The following GALNT10 variants were observed in gnomAD, a reference collection of about 807,000 sequenced individuals.
GALNT10 encodes polypeptide N-acetylgalactosaminyltransferase 10, also known as GalNAc transferase 10.
Under a neutral mutation model 75.0 loss-of-function variants are expected in GALNT10, and 41 were observed. The observed-to-expected ratio is 0.55, with a 90% CI of 0.43 to 0.71. GALNT10 has a LOEUF of 0.71. Ranked by LOEUF, GALNT10 falls within the 30% of genes least tolerant of loss-of-function variation. The probability of loss-of-function intolerance (pLI) is 0.00; values close to 1 mark genes in which losing one functional copy is unlikely to be tolerated. For synonymous variants in GALNT10, 302 were observed against 313.0 expected, an observed-to-expected ratio of 0.96 and a Z score of 0.37; for missense variants, 727 against 818.5, an observed-to-expected ratio of 0.89 and a Z score of 1.36.
intron 4 of GALNT10, among the ~76,000 whole-genome samples, chr5:154,344,205 CTTTCTT>C (rs1561666804): frequency 3.0e-5 from 3 of 99,428 alleles, no homozygotes; most frequent in Non-Finnish European, 4.8e-5. Context: ...TTCTTTCTTT[CTTTCTT>C]TTTTTTTTTT....
chr5:154,292,983 T>TA (rs200509566), intron 1 of GALNT10, among the ~76,000 whole-genome samples: 2,292 of 152,252 alleles, frequency 0.015, 48 homozygotes, highest in African/African-American at 0.053. Flanking sequence ...TAGTTTTTTT[T>TA]TCCCCTCTCT....
At chr5:154,242,593 T>C (rs1753354913) in intron 1 of GALNT10, among the ~76,000 whole-genome samples, 1 of 152,160 alleles carries the variant, frequency 6.6e-6, no homozygotes, top group African/African-American at 2.4e-5. Flanking sequence ...AGGCAAAAGC[T>C]CCTAAATCCC....
At chr5:154,340,221 G>T (rs931253096) in intron 4 of GALNT10, among the ~76,000 whole-genome samples, 1 of 152,162 alleles carries the variant, frequency 6.6e-6, no homozygotes, top group African/African-American at 2.4e-5. Context: ...GTGCTCATTT[G>T]CCTGTATCAC....
intron 1 of GALNT10, among the ~76,000 whole-genome samples, chr5:154,206,855 A>G (rs763551757): frequency 3.3e-5 from 5 of 152,214 alleles, no homozygotes; most frequent in African/African-American, 4.8e-5. Context: ...GGATGACTTG[A>G]TCAGGGCTAG....
rs114318549 is a variant in GALNT10 at position 154,314,043 on chromosome 5, T to C, written c.402-15529T>C. ...TAGAGAGGAGAAAATCCTAGAATTT[T>C]GAACTTACACCATTTGCTGGAAAAT... is the stretch of plus-strand genomic sequence containing the variant. On this transcript the variant is annotated intron_variant, in intron 3 of 11. Transcript: ENST00000297107. Among the ~76,000 whole-genome samples the C allele has an allele frequency of 9.2e-3, 1,398 of 152,300 alleles. 16 individuals are homozygous for C. Among genetic ancestry groups the C allele is most frequent in the African/African-American group, 0.032 (1,321 of 41,560 alleles).
chr5:154,410,810 A>G (rs1003033998), intron 9 of GALNT10, among the ~76,000 whole-genome samples: 7 of 152,252 alleles, frequency 4.6e-5, no homozygotes, highest in African/African-American at 1.2e-4. Flanking sequence ...AGAGAGGAAC[A>G]GCGTGCTTCT....
In GALNT10 at chr5:154,277,031, A is replaced by G. The variant is rs558443745; in HGVS notation, c.160-17785A>G. On this transcript the variant is annotated intron_variant, in intron 1 of 11. Coordinates refer to ENST00000297107, the MANE Select transcript of GALNT10 (RefSeq NM_198321.4). Reference sequence around the variant, plus strand: ...CTTACCATAAACAATGCTGTATAACAAATTACTCCAAAGCTCAGTGACCTC... The same window carrying G: ...CTTACCATAAACAATGCTGTATAACGAATTACTCCAAAGCTCAGTGACCTC... Among the ~76,000 whole-genome samples the G allele has an allele frequency of 3.3e-5, 5 of 152,300 alleles. No individual in the cohort carries two copies. In the South Asian group the frequency reaches 1.0e-3, roughly 32 times the overall value.
intron 4 of GALNT10, among the ~76,000 whole-genome samples, chr5:154,340,332 T>C (rs569133898): frequency 2.4e-4 from 37 of 152,354 alleles, no homozygotes; most frequent in African/African-American, 8.7e-4. Flanking sequence ...TTAAATACAT[T>C]ATGTTTCACT....
At chr5:154,369,773 T>C (rs531949766) in intron 4 of GALNT10, among the ~76,000 whole-genome samples, 2 of 152,306 alleles carry the variant, frequency 1.3e-5, no homozygotes, top group East Asian at 3.9e-4. Context: ...CTCTGCAAGG[T>C]TAGCAGCACC....
At chr5:154,228,255 T>C (rs1753092999) in intron 1 of GALNT10, among the ~76,000 whole-genome samples, 1 of 152,188 alleles carries the variant, frequency 6.6e-6, no homozygotes, top group Non-Finnish European at 1.5e-5. Flanking sequence ...CCTACCACAG[T>C]GGTATAAAGT....
rs148954906 is a variant in GALNT10 at position 154,236,638 on chromosome 5, C to T, written c.159+45613C>T. 3.8e-3 allele frequency among the ~76,000 whole-genome samples: 586 copies of T among 152,332 alleles called. 2 individuals are homozygous for T. The highest frequency in any genetic ancestry group is 0.013 in the African/African-American group (528 of 41,574). Reference sequence around the variant, plus strand: ...GGAGGAATCAGGATGTAATTTATGGCGTCCACTTCTTGCTGCCATTTGGCA... The same window carrying T: ...GGAGGAATCAGGATGTAATTTATGGTGTCCACTTCTTGCTGCCATTTGGCA... On this transcript the variant is annotated intron_variant, in intron 1 of 11. Transcript: ENST00000297107.
intron 6 of GALNT10, 64 bp from the exon 7 acceptor site, chr5:154,386,249 G>A (rs775995773): frequency 2.6e-6 from 3 of 1,155,702 alleles, no homozygotes; most frequent in Non-Finnish European, 3.9e-6. Context: ...GGCATTATCG[G>A]GCCACATGAG....
At chr5:154,222,837 T>C (rs1753004885) in intron 1 of GALNT10, among the ~76,000 whole-genome samples, 1 of 152,258 alleles carries the variant, frequency 6.6e-6, no homozygotes, top group Admixed American at 6.5e-5. Context: ...GTATTCTGCC[T>C]ACAAGTCTTT....
intron 1 of GALNT10, among the ~76,000 whole-genome samples, chr5:154,274,363 A>T (rs1034293964): frequency 6.6e-6 from 1 of 152,236 alleles, no homozygotes; most frequent in Non-Finnish European, 1.5e-5. Flanking sequence ...AAACATGCTT[A>T]TGAACACAGA....
chr5:154,226,702 G>A (rs532578720), intron 1 of GALNT10, among the ~76,000 whole-genome samples: 57 of 152,154 alleles, frequency 3.7e-4, no homozygotes, highest in African/African-American at 1.3e-3. Context: ...ATTAAACTGC[G>A]TGTTTAAAGT....
At chr5:154,354,323 T>C (rs2113147400) in intron 4 of GALNT10, among the ~76,000 whole-genome samples, 1 of 152,148 alleles carries the variant, frequency 6.6e-6, no homozygotes, top group South Asian at 2.1e-4. Context: ...ATGGTGAGGA[T>C]AAAAGGGAAA....
At chr5:154,321,573 T>G (rs1754674608) in intron 3 of GALNT10, among the ~76,000 whole-genome samples, 1 of 152,134 alleles carries the variant, frequency 6.6e-6, no homozygotes, top group African/African-American at 2.4e-5. Context: ...ATCCTCCTGC[T>G]TCAGCCTCCC....
intron 1 of GALNT10, among the ~76,000 whole-genome samples, 194 bp downstream of exon 1, chr5:154,191,219 G>C (rs1350278843): frequency 1.3e-5 from 2 of 152,136 alleles, no homozygotes; most frequent in Admixed American, 1.3e-4. Flanking sequence ...GTCAGAGACT[G>C]AGTCCGAACT....
intron 3 of GALNT10, among the ~76,000 whole-genome samples, chr5:154,308,614 C>T (rs1754467988): frequency 6.6e-6 from 1 of 152,166 alleles, no homozygotes; most frequent in South Asian, 2.1e-4. Flanking sequence ...GCTTTGCATG[C>T]CCACCCAACT....
Sources: allele counts gnomAD v4.1 joint callset (sites outside exome capture counted in the v4.1 genomes callset), GRCh38; gene constraint gnomAD v4.1.1; transcripts MANE v1.5; gene names NCBI Gene and HGNC (gene_info 2026-07-23, HGNC 2026-07-21).